Variants in EML1 observed in about 807,000 individuals in gnomAD.
The protein encoded by EML1 is EMAP like 1.
A neutral mutation model predicts 110.4 loss-of-function variants in EML1; 27 were observed. The ratio of observed to expected loss-of-function variants is 0.24; its 90% confidence interval spans 0.18 to 0.34. The LOEUF (loss-of-function observed/expected upper bound fraction) is 0.34, where lower values mean the gene tolerates loss of function less well. EML1 is among the 10% of genes least tolerant of loss of function. The probability of loss-of-function intolerance (pLI) is 1.00; values close to 1 mark genes in which losing one functional copy is unlikely to be tolerated. For missense variants in EML1, 741 were observed against 1,030.9 expected (o/e 0.72, Z 3.85); for synonymous variants, 344 against 385.8 (o/e 0.89, Z 1.27).
At chr14:99,829,685 G>T (rs1052498796) in intron 1 of EML1, among the ~76,000 whole-genome samples, 1 of 152,132 alleles carries the variant, frequency 6.6e-6, no homozygotes, top group Admixed American at 6.5e-5. Context: ...CTCTGAATTT[G>T]CCTACTCTGT....
rs1046868308 is a variant in EML1 at position 99,892,063 on chromosome 14, C to A, written c.547+836C>A. 5 of 859,898 alleles carry A rather than the reference C, an allele frequency of 5.8e-6. No homozygotes were observed. In the African/African-American group the frequency reaches 9.2e-5, roughly 16 times the overall value. 53.3% of individuals were successfully genotyped at this position (859,898 alleles called of 1,614,324 possible). A position where few individuals can be genotyped will look rare whatever the true frequency, so the allele number is the denominator to read the frequency against. On this transcript the variant is annotated intron_variant, in intron 5 of 21. Transcript: ENST00000262233. ...GGGGGGCAGGTCAGGTGTTGGCCTG[C>A]GGGCTAGTGAGGGCTCCGGGCTCCG...
intron 17 of EML1, among the ~76,000 whole-genome samples, chr14:99,930,902 A>G (rs2060355357): frequency 6.6e-6 from 1 of 152,222 alleles, no homozygotes; most frequent in Non-Finnish European, 1.5e-5. Flanking sequence ...ACTAGGTGCA[A>G]CTGGTCATGC....
intron 1 of EML1, among the ~76,000 whole-genome samples, chr14:99,802,623 C>T (rs929979847): frequency 6.6e-6 from 1 of 152,094 alleles, no homozygotes; most frequent in African/African-American, 2.4e-5. Context: ...GATGGCAGGA[C>T]AGGCCAGGGG....
chr14:99,818,067 T>C (rs1447196430), intron 1 of EML1, among the ~76,000 whole-genome samples: 1 of 151,740 alleles, frequency 6.6e-6, no homozygotes, highest in Non-Finnish European at 1.5e-5. Context: ...TGTGCAGTGT[T>C]CAAGAAACCA....
chr14:99,855,946 T>A (rs1485907739), intron 2 of EML1, among the ~76,000 whole-genome samples: 1 of 152,218 alleles, frequency 6.6e-6, no homozygotes, highest in African/African-American at 2.4e-5. Flanking sequence ...GATTTTTAGC[T>A]GTGAGAAGCC....
At position 99,891,185 on chromosome 14, in the gene EML1, GT is replaced by G. The variant is rs1566921384; in HGVS notation, c.519-11del. The stretch of plus-strand genomic sequence containing the variant: ...CAGCACCCTTTAAAAACTGTTTTTC[GT>G]TTATTTTCACAGCAAACCCAAGGAG... On this transcript the variant is annotated splice_polypyrimidine_tract_variant and intron_variant, in intron 4 of 21. Transcript: ENST00000262233. 1 of 1,613,986 alleles carries G rather than the reference GT, an allele frequency of 6.2e-7. No individual in the cohort carries two copies. The highest frequency in any genetic ancestry group is 8.5e-7 in the Non-Finnish European group (1 of 1,179,950).
intron 1 of EML1, among the ~76,000 whole-genome samples, chr14:99,834,351 G>C (rs1375143906): frequency 6.6e-6 from 1 of 150,546 alleles, no homozygotes; most frequent in Non-Finnish European, 1.5e-5. Context: ...CACCCAGGCT[G>C]GAGTGCAGTG....
chr14:99,890,378 C>A (rs954761861), intron 4 of EML1, among the ~76,000 whole-genome samples: 1 of 152,206 alleles, frequency 6.6e-6, no homozygotes, highest in African/African-American at 2.4e-5. Context: ...CTGTCCCTGT[C>A]TGGAATGGAG....
intron 9 of EML1, among the ~76,000 whole-genome samples, chr14:99,901,303 C>T (rs1336397030): frequency 2.6e-5 from 4 of 152,188 alleles, no homozygotes; most frequent in Non-Finnish European, 5.9e-5. Context: ...ATCGTCCTCA[C>T]TTTCCTTAAG....
At chr14:99,822,858 C>G (rs1009588966) in intron 1 of EML1, among the ~76,000 whole-genome samples, 9 of 152,218 alleles carry the variant, frequency 5.9e-5, no homozygotes, top group African/African-American at 1.9e-4. Context: ...ATTTCCATTT[C>G]TTTGGTTCCC....
intron 1 of EML1, among the ~76,000 whole-genome samples, chr14:99,809,135 T>G (rs187048092): frequency 6.6e-6 from 1 of 152,208 alleles, no homozygotes; most frequent in East Asian, 1.9e-4. Flanking sequence ...GAAAATACGC[T>G]ATAGATAATT....
chr14:99,931,923 T>C (rs1460815578), intron 17 of EML1, among the ~76,000 whole-genome samples: 1 of 152,190 alleles, frequency 6.6e-6, no homozygotes, highest in Non-Finnish European at 1.5e-5. Flanking sequence ...TTTGAGGTTT[T>C]TCGTGGTGGT....
At chr14:99,815,981 C>T (rs774177624) in intron 1 of EML1, among the ~76,000 whole-genome samples, 2 of 152,140 alleles carry the variant, frequency 1.3e-5, no homozygotes, top group African/African-American at 2.4e-5. Flanking sequence ...ACGGCAGCTG[C>T]TGTTGTTCAG....
chr14:99,822,209 T>A (rs1289178190), intron 1 of EML1, among the ~76,000 whole-genome samples: 1 of 152,196 alleles, frequency 6.6e-6, no homozygotes, highest in Non-Finnish European at 1.5e-5. Flanking sequence ...TGTTTTTTTT[T>A]AGTTCCACCT....
chr14:99,769,780 T>G (rs2057403939), upstream of EML1, among the ~76,000 whole-genome samples: 1 of 152,116 alleles, frequency 6.6e-6, no homozygotes, highest in South Asian at 2.1e-4. Context: ...GAGGCTACAT[T>G]CCCATGAGGA....
intron 1 of EML1, among the ~76,000 whole-genome samples, chr14:99,743,889 T>G (rs1044347667): frequency 2.0e-5 from 3 of 151,954 alleles, no homozygotes; most frequent in Non-Finnish European, 4.4e-5. Context: ...TTTATCATGT[T>G]TTTAAAACAA....
intron 2 of EML1, among the ~76,000 whole-genome samples, chr14:99,854,093 G>A (rs920389422): frequency 4.6e-5 from 7 of 152,162 alleles, no homozygotes; most frequent in African/African-American, 7.2e-5. Flanking sequence ...AATGCTGGGC[G>A]TGGCTGTGCC....
intron 2 of EML1, among the ~76,000 whole-genome samples, chr14:99,861,684 G>A (rs942674223): frequency 1.3e-5 from 2 of 152,146 alleles, no homozygotes; most frequent in Non-Finnish European, 2.9e-5. Context: ...GTTTCACCAT[G>A]TTGGCCAGGC....
intron 1 of EML1, among the ~76,000 whole-genome samples, chr14:99,797,124 C>G (rs1349187071): frequency 6.6e-6 from 1 of 152,138 alleles, no homozygotes. Context: ...CCCCCATCGC[C>G]CTCACCCCTG....
Sources: gnomAD v4.1 joint callset for allele counts (sites outside exome capture counted in the v4.1 genomes callset) on GRCh38, gnomAD v4.1.1 for gene constraint, MANE v1.5 for transcripts, NCBI Gene and HGNC (gene_info 2026-07-23, HGNC 2026-07-21) for gene names.